The following NSG1 variants were observed in gnomAD, a reference collection of about 807,000 sequenced individuals.
NSG1 encodes the protein neuronal vesicle trafficking-associated protein 1.
In NSG1, 9 loss-of-function variants were observed where a neutral mutation model predicts 19.3. The ratio of observed to expected loss-of-function variants is 0.47; its 90% CI spans 0.28 to 0.81. The LOEUF is 0.81. Among genes scored for constraint, NSG1 ranks in the 40% least tolerant of loss-of-function variants. NSG1 has a pLI of 0.11. For synonymous variants in NSG1, 104 were observed against 107.0 expected (o/e 0.97, Z 0.17); for missense variants, 236 against 242.4 (o/e 0.97, Z 0.18).
intron 3 of NSG1, among the ~76,000 whole-genome samples, chr4:4,402,529 A>T (rs1410017044): frequency 2.0e-5 from 3 of 151,510 alleles, no homozygotes; most frequent in Admixed American, 1.3e-4. Flanking sequence ...CTGGGACTAC[A>T]GGCGTCCGCC....
chr4:4,400,693 G>A (rs1355691683), intron 3 of NSG1, among the ~76,000 whole-genome samples: 1 of 152,130 alleles, frequency 6.6e-6, no homozygotes, highest in Non-Finnish European at 1.5e-5. Flanking sequence ...AAACCACAGA[G>A]GTATTAGTAG....
Position 4,402,368 on chromosome 4 carries a change from G to GTTTTTTTTTTTTTTTTTT in NSG1, c.247-7203_247-7202insTTTTTTTTTTTTTTTTTT, listed in dbSNP as rs1560143233. 5.0e-5 allele frequency among the ~76,000 whole-genome samples: 5 copies of GTTTTTTTTTTTTTTTTTT among 99,642 alleles called. 1 individual carries two copies. The highest frequency in any genetic ancestry group is 2.1e-4 in the African/African-American group (5 of 24,098). 65.4% of individuals were successfully genotyped at this position (99,642 alleles called of 152,430 possible). A position where few individuals can be genotyped will look rare whatever the true frequency, so the allele number is the denominator to read the frequency against. On this transcript the variant is annotated intron_variant, in intron 3 of 4. Coordinates refer to ENST00000621129, the MANE Select transcript of NSG1 (RefSeq NM_014392.5). Reference sequence around the variant, plus strand: ...TTATAGACACGCAGCACCACGCCTGGTTATTTTTTTTTTTTTTTTTTTTTT... The same window carrying GTTTTTTTTTTTTTTTTTT: ...TTATAGACACGCAGCACCACGCCTGGTTTTTTTTTTTTTTTTTTTTATTTTTTTTTTTTTTTTTTTTTT...
In NSG1 at chr4:4,397,084, A is replaced by G. The variant is rs573874076; in HGVS notation, c.246+5493A>G. ...GTATGTATTCACTTTTGTGTGGGTTACCTAAAATATTTAGTGCTGTAAACG... is the reference window on the plus strand; with the variant it reads ...GTATGTATTCACTTTTGTGTGGGTTGCCTAAAATATTTAGTGCTGTAAACG... On this transcript the variant is annotated intron_variant, in intron 3 of 4. Transcript: ENST00000621129. 3.4e-5 allele frequency among the ~76,000 whole-genome samples: 5 copies of G among 147,776 alleles called. No individual in the cohort carries two copies. The East Asian group carries it at 1.0e-3, about 30-fold the overall frequency.
intron 3 of NSG1, among the ~76,000 whole-genome samples, chr4:4,402,371 ATTTTTTTTTTTTTTTT>A (rs1161754574): frequency 0.033 from 1,762 of 54,034 alleles, 77 homozygotes; most frequent in African/African-American, 0.098. Context: ...ACGCCTGGTT[ATTTTTTTTTTTTTTTT>A]TTTTTTTTTT....
At position 4,417,698 on chromosome 4, in the gene NSG1, T is replaced by C. The variant is rs1472365729; in HGVS notation, c.*263T>C. 4.1e-6 allele frequency: 2 copies of C among 487,270 alleles called. No individual in the cohort carries two copies. Among genetic ancestry groups the C allele is most frequent in the South Asian group, 2.2e-5 (1 of 44,784 alleles). 30.2% of individuals were successfully genotyped at this position (487,270 alleles called of 1,614,324 possible). A position where few individuals can be genotyped will look rare whatever the true frequency, so the allele number is the denominator to read the frequency against. ...CATTTAGCTCCTTTACTGGGATTTA[T>C]TGGATGCTGTAAAAAAATAAATTTA... On this transcript the variant is annotated 3_prime_UTR_variant, in exon 5 of 5. Transcript: ENST00000621129.
In NSG1 at chr4:4,417,619, T is replaced by C; in HGVS notation, c.*184T>C. 1.6e-6 allele frequency: 1 copy of C among 613,816 alleles called. No individual in the cohort carries two copies. The highest frequency in any genetic ancestry group is 2.8e-5 in the East Asian group (1 of 35,796). 38.0% of individuals were successfully genotyped at this position (613,816 alleles called of 1,614,324 possible). A position where few individuals can be genotyped will look rare whatever the true frequency, so the allele number is the denominator to read the frequency against. On this transcript the variant is annotated 3_prime_UTR_variant, in exon 5 of 5. Coordinates refer to ENST00000621129, the MANE Select transcript of NSG1 (RefSeq NM_014392.5). The stretch of plus-strand genomic sequence containing the variant: ...GACCACCCACGGGCATAAAATCAAG[T>C]GCATTTCAGCATTGCCTAAAGAGCT...
chr4:4,412,306 C>T (rs923579508), intron 4 of NSG1, among the ~76,000 whole-genome samples: 2 of 151,710 alleles, frequency 1.3e-5, no homozygotes, highest in Admixed American at 1.3e-4. Flanking sequence ...GATGAAGCCC[C>T]AGTCCTGTGT....
chr4:4,417,590 TGCCGACCACCCACGG>T lies in NSG1; in HGVS notation c.*158_*172del, dbSNP rs1324560522. ...ATGCTGCTTTGCAAATAAAACTTGCTGCCGACCACCCACGGGCATAAAATCAAGTGCATTTCAGCA... is the reference window on the plus strand; with the variant it reads ...ATGCTGCTTTGCAAATAAAACTTGCTGCATAAAATCAAGTGCATTTCAGCA... On this transcript the variant is annotated 3_prime_UTR_variant, in exon 5 of 5. Transcript: ENST00000621129. 2.7e-6 allele frequency: 2 copies of T among 734,346 alleles called. No individual in the cohort carries two copies. The highest frequency in any genetic ancestry group is 3.5e-5 in the African/African-American group (2 of 56,510). 45.5% of individuals were successfully genotyped at this position (734,346 alleles called of 1,614,324 possible).
At chr4:4,410,605 G>A (rs1220175413) in intron 4 of NSG1, among the ~76,000 whole-genome samples, 1 of 152,158 alleles carries the variant, frequency 6.6e-6, no homozygotes, top group Non-Finnish European at 1.5e-5. Context: ...CATAGAAGAG[G>A]TCCAGTAAAA....
intron 2 of NSG1, among the ~76,000 whole-genome samples, chr4:4,390,880 G>A (rs1382646469): frequency 6.6e-6 from 1 of 152,098 alleles, no homozygotes; most frequent in Non-Finnish European, 1.5e-5. Context: ...TCACAGTAGG[G>A]GGTGGAGGGG....
chr4:4,402,047 AT>A (rs35299425), intron 3 of NSG1, among the ~76,000 whole-genome samples: 6,458 of 122,194 alleles, frequency 0.053, 252 homozygotes, highest in African/African-American at 0.13. Context: ...TGCCCAGCTA[AT>A]TTTTTTTTTT....
Position 4,417,284 on chromosome 4 carries a change from A to G in NSG1, c.407A>G (p.Asp136Gly). 1.9e-6 allele frequency: 3 copies of G among 1,614,018 alleles called. No individual in the cohort carries two copies. The highest frequency in any genetic ancestry group is 2.5e-6 in the Non-Finnish European group (3 of 1,180,006). Residue 136 changes from aspartate (D) to glycine (G), a missense_variant, in exon 5 of 5, where the codon GAC becomes GGC. Asp to Gly is a moderately conservative substitution (Grantham distance 94). Transcript: ENST00000621129. ...EGLESYYAEQ[D>G]SSAREKFYTV... Reference sequence around the variant, plus strand: ...TTGGAGAGCTACTACGCGGAGCAAGACTCCAGTGCCCGGGAGAAATTTTAC... The same window carrying G: ...TTGGAGAGCTACTACGCGGAGCAAGGCTCCAGTGCCCGGGAGAAATTTTAC...
At chr4:4,399,291 C>G (rs1054812053) in intron 3 of NSG1, among the ~76,000 whole-genome samples, 10 of 152,226 alleles carry the variant, frequency 6.6e-5, no homozygotes, top group African/African-American at 2.4e-4. Flanking sequence ...TACAGGCATT[C>G]ACCACCACAC....
At chr4:4,387,565 T>A (rs1577276567) in intron 1 of NSG1, 39 bp from the exon 2 acceptor site, 1 of 256,314 alleles carries the variant, frequency 3.9e-6, no homozygotes, top group African/African-American at 3.0e-5. Context: ...CCGCCCCGGG[T>A]CTTGCTTGTG....
intron 2 of NSG1, 59 bp downstream of exon 2, chr4:4,387,817 G>T: frequency 6.8e-7 from 1 of 1,461,690 alleles, no homozygotes; most frequent in Admixed American, 1.9e-5. Context: ...CTCGCACGGC[G>T]GGCGCAACAA....
intron 4 of NSG1, among the ~76,000 whole-genome samples, chr4:4,411,536 G>C (rs924867346): frequency 6.6e-6 from 1 of 152,132 alleles, no homozygotes; most frequent in African/African-American, 2.4e-5. Flanking sequence ...CTGAGGTCAG[G>C]AGTTCAAGAC....
chr4:4,399,824 C>T (rs1267566100), intron 3 of NSG1, among the ~76,000 whole-genome samples: 1 of 152,214 alleles, frequency 6.6e-6, no homozygotes, highest in East Asian at 1.9e-4. Flanking sequence ...AGAACACAAC[C>T]TAGATTCTCA....
chr4:4,416,195 G>A, intron 4 of NSG1: 1 of 702,410 alleles, frequency 1.4e-6, no homozygotes, highest in Non-Finnish European at 2.6e-6. Context: ...CTCCGCACGT[G>A]AACTCAGCTG....
intron 3 of NSG1, among the ~76,000 whole-genome samples, chr4:4,397,912 G>A (rs1324982240): frequency 3.9e-5 from 6 of 152,030 alleles, no homozygotes; most frequent in Non-Finnish European, 7.4e-5. Context: ...TGCGACACCA[G>A]CCTCCCGCCT....
Sources: gnomAD v4.1 joint callset for allele counts (sites outside exome capture counted in the v4.1 genomes callset) on GRCh38, gnomAD v4.1.1 for gene constraint, MANE v1.5 for transcripts, NCBI Gene and HGNC (gene_info 2026-07-23, HGNC 2026-07-21) for gene names.